MAP2K5: variants seen among roughly 807,000 people sequenced by gnomAD.
MAP2K5 encodes the protein dual specificity mitogen-activated protein kinase kinase 5.
In MAP2K5, 49 loss-of-function variants were observed where a neutral mutation model predicts 83.1. That is an observed-to-expected ratio of 0.59 (90% CI 0.47 to 0.75). The LOEUF (loss-of-function observed/expected upper bound fraction) is 0.75. Ranked by LOEUF, MAP2K5 falls within the 30% of genes least tolerant of loss-of-function variation. MAP2K5 has a pLI of 0.00. For synonymous variants in MAP2K5, 202 were observed against 191.8 expected (o/e 1.05, Z -0.44); for missense variants, 457 against 557.5 (o/e 0.82, Z 1.82).
intron 21 of MAP2K5, among the ~76,000 whole-genome samples, chr15:67,773,287 A>T (rs958032487): frequency 6.6e-6 from 1 of 152,160 alleles, no homozygotes. Flanking sequence ...GACAGTTTTT[A>T]GTCAAGCAGG....
intron 13 of MAP2K5, among the ~76,000 whole-genome samples, chr15:67,667,088 AC>A (rs776884043): frequency 4.9e-4 from 75 of 152,228 alleles, no homozygotes; most frequent in Non-Finnish European, 8.8e-4. Flanking sequence ...GTCCCTGAAG[AC>A]TTTTGTAAAG....
intron 12 of MAP2K5, among the ~76,000 whole-genome samples, chr15:67,659,917 A>G (rs560400502): frequency 1.1e-4 from 16 of 152,284 alleles, no homozygotes; most frequent in African/African-American, 3.8e-4. Context: ...CTACTGGAGT[A>G]GGAAGACTGT....
chr15:67,704,473 T>G (rs1309759115), intron 16 of MAP2K5, among the ~76,000 whole-genome samples: 1 of 152,254 alleles, frequency 6.6e-6, no homozygotes, highest in African/African-American at 2.4e-5. Flanking sequence ...GTAACCTTTT[T>G]TTTTAGTCAA....
chr15:67,587,050 T>G lies in MAP2K5; in HGVS notation c.431+137T>G, dbSNP rs1319953544. 1 of 813,526 alleles carries G rather than the reference T, an allele frequency of 1.2e-6. No homozygotes were observed. The highest frequency in any genetic ancestry group is 1.7e-5 in the African/African-American group (1 of 59,016). The allele number at this position is 813,526 out of a possible 1,614,324, so 50.4% of individuals were successfully genotyped here. On this transcript the variant is annotated intron_variant, in intron 6 of 21. Transcript: ENST00000178640. The surrounding 1 kb of genome is among the most constrained non-coding windows in gnomAD (Gnocchi z 4.8). ...TTGACCAAAGAGAAAGGACCTCATA[T>G]GGAAAGATGAATGTTTAGATTTAGA...
chr15:67,649,379 G>A (rs1054889655), intron 11 of MAP2K5, among the ~76,000 whole-genome samples: 5 of 150,850 alleles, frequency 3.3e-5, no homozygotes, highest in African/African-American at 9.8e-5. Flanking sequence ...TTTGAGCTGC[G>A]GTCTCATTAT....
At chr15:67,711,259 G>A (rs1363485749) in intron 16 of MAP2K5, among the ~76,000 whole-genome samples, 1 of 152,180 alleles carries the variant, frequency 6.6e-6, no homozygotes, top group African/African-American at 2.4e-5. Context: ...AAAGATCAGA[G>A]TTTAAAGTGT....
At chr15:67,791,189 G>T (rs889059434) in intron 21 of MAP2K5, among the ~76,000 whole-genome samples, 1 of 152,210 alleles carries the variant, frequency 6.6e-6, no homozygotes, top group Non-Finnish European at 1.5e-5. Flanking sequence ...CAGTTAGCTG[G>T]CATAAGATGA....
At position 67,777,929 on chromosome 15, in the gene MAP2K5, C is replaced by T. The variant is rs2090266629; in HGVS notation, c.1242+5177C>T. The stretch of plus-strand genomic sequence containing the variant: ...GAAATTTGACATTTTGCTTAGACAG[C>T]AAGTAAATAGTGGCATTAGAAATAC... On this transcript the variant is annotated intron_variant, in intron 21 of 21. Coordinates refer to ENST00000178640, the MANE Select transcript of MAP2K5 (RefSeq NM_145160.3). The surrounding 1 kb of genome is among the most constrained non-coding windows in gnomAD (Gnocchi z 6.0). Among the ~76,000 whole-genome samples, 1 of 152,176 alleles carries T rather than the reference C, an allele frequency of 6.6e-6. No individual in the cohort carries two copies. Among genetic ancestry groups the T allele is most frequent in the Non-Finnish European group, 1.5e-5 (1 of 68,036 alleles).
intron 8 of MAP2K5, among the ~76,000 whole-genome samples, chr15:67,609,486 TA>T (rs2085861832): frequency 6.8e-6 from 1 of 148,118 alleles, no homozygotes; most frequent in Admixed American, 6.6e-5. Context: ...AGACCTATTC[TA>T]TAGGTCTATA....
rs4776964 is a variant in MAP2K5, at chr15:67,724,617, T to G, written c.1045-3299T>G. On this transcript the variant is annotated intron_variant, in intron 16 of 21. Coordinates refer to ENST00000178640, the MANE Select transcript of MAP2K5 (RefSeq NM_145160.3). The surrounding 1 kb of genome is among the most constrained non-coding windows in gnomAD (Gnocchi z 4.4). Reference sequence around the variant, plus strand: ...CATATCTACTAAGAAACCATTTTCTTTTTTACCTCCTCCCAATAGAACTTG... The same window carrying G: ...CATATCTACTAAGAAACCATTTTCTGTTTTACCTCCTCCCAATAGAACTTG... 0.27 allele frequency among the ~76,000 whole-genome samples: 40,798 copies of G among 152,078 alleles called. 6,235 individuals are homozygous for G. Among genetic ancestry groups the G allele is most frequent in the East Asian group, 0.53 (2,758 of 5,180 alleles).
chr15:67,573,351 G>A lies in MAP2K5; in HGVS notation c.253-7403G>A, dbSNP rs2084986595. Among the ~76,000 whole-genome samples, 1 of 152,194 alleles carries A rather than the reference G, an allele frequency of 6.6e-6. No individual in the cohort carries two copies. The highest frequency in any genetic ancestry group is 1.5e-5 in the Non-Finnish European group (1 of 68,032). The stretch of plus-strand genomic sequence containing the variant: ...ACTTATAATCATGGCAGAAGACAAA[G>A]GGGAAGCAAGTACTTTCTTCACAGG... On this transcript the variant is annotated intron_variant, in intron 3 of 21. Coordinates refer to ENST00000178640, the MANE Select transcript of MAP2K5 (RefSeq NM_145160.3). This position sits in a 1 kb window ranked among gnomAD's most constrained non-coding sequence, Gnocchi z 4.2.
chr15:67,651,854 C>T (rs1054500431), intron 11 of MAP2K5, among the ~76,000 whole-genome samples: 2 of 152,114 alleles, frequency 1.3e-5, no homozygotes, highest in East Asian at 3.8e-4. Context: ...TTACTGATTT[C>T]CTTTCTTTTG....
At chr15:67,675,829 G>C (rs2087666356) in intron 13 of MAP2K5, among the ~76,000 whole-genome samples, 1 of 152,128 alleles carries the variant, frequency 6.6e-6, no homozygotes, top group Non-Finnish European at 1.5e-5. Flanking sequence ...ATCATAGGCA[G>C]AGTCATCCCT....
intron 5 of MAP2K5, 35 bp from the exon 6 acceptor site, chr15:67,586,809 AAC>A: frequency 6.4e-7 from 1 of 1,573,402 alleles, no homozygotes; most frequent in Non-Finnish European, 8.8e-7. Flanking sequence ...GTGTCCTCAG[AAC>A]ACAAGACTGA....
At chr15:67,753,554 A>G (rs983351971) in intron 19 of MAP2K5, among the ~76,000 whole-genome samples, 2 of 152,244 alleles carry the variant, frequency 1.3e-5, no homozygotes. Flanking sequence ...CATTTCTCTG[A>G]AGAAGATAAA....
At chr15:67,771,161 GTGTA>G (rs1270371961) in intron 20 of MAP2K5, among the ~76,000 whole-genome samples, 3 of 2,918 alleles carry the variant, frequency 1.0e-3, no homozygotes, top group Non-Finnish European at 2.4e-3. Context: ...ACATGGTAAT[GTGTA>G]CCATGTGTTT....
chr15:67,774,103 C>T lies in MAP2K5; in HGVS notation c.1242+1351C>T, dbSNP rs1466099367. 2.0e-5 allele frequency among the ~76,000 whole-genome samples: 3 copies of T among 151,876 alleles called. No homozygotes were observed. Among genetic ancestry groups the T allele is most frequent in the Non-Finnish European group, 2.9e-5 (2 of 67,998 alleles). The stretch of plus-strand genomic sequence containing the variant: ...TAAGGAACACCACTCCAGGGTGGCA[C>T]ATCATAAAGACAAGGCTAAAGGGTG... On this transcript the variant is annotated intron_variant, in intron 21 of 21. Coordinates refer to ENST00000178640, the MANE Select transcript of MAP2K5 (RefSeq NM_145160.3). This position sits in a 1 kb window ranked among gnomAD's most constrained non-coding sequence, Gnocchi z 4.9.
intron 17 of MAP2K5, among the ~76,000 whole-genome samples, chr15:67,729,203 G>A (rs1383904561): frequency 6.6e-6 from 1 of 152,126 alleles, no homozygotes; most frequent in Non-Finnish European, 1.5e-5. Flanking sequence ...ACATTTTCAG[G>A]ATTTATAGCT....
Position 67,775,228 on chromosome 15 carries a change from C to T in MAP2K5, c.1242+2476C>T, listed in dbSNP as rs1022829788. ...AAAACTCAATGTTAGACTTTGGAGACCATTAAAATATCAGTGTTAGAACTC... is the reference window on the plus strand; with the variant it reads ...AAAACTCAATGTTAGACTTTGGAGATCATTAAAATATCAGTGTTAGAACTC... On this transcript the variant is annotated intron_variant, in intron 21 of 21. Transcript: ENST00000178640. The surrounding 1 kb of genome is among the most constrained non-coding windows in gnomAD (Gnocchi z 5.3). 6.6e-5 allele frequency among the ~76,000 whole-genome samples: 10 copies of T among 152,190 alleles called. No individual in the cohort carries two copies. Among genetic ancestry groups the T allele is most frequent in the Non-Finnish European group, 1.3e-4 (9 of 68,036 alleles).
Sources: gnomAD v4.1 joint callset for allele counts (sites outside exome capture counted in the v4.1 genomes callset) on GRCh38, gnomAD v4.1.1 for gene constraint, Gnocchi (gnomAD v3.1) non-coding constraint, MANE v1.5 for transcripts, NCBI Gene and HGNC (gene_info 2026-07-23, HGNC 2026-07-21) for gene names.